The following MECOM variants were observed in gnomAD, a reference collection of about 807,000 sequenced individuals.
The protein encoded by MECOM is MDS1 and EVI1 complex locus.
In MECOM, 13 loss-of-function variants were observed where a neutral mutation model predicts 116.3. The ratio of observed to expected loss-of-function variants is 0.11; its 90% CI spans 0.07 to 0.18. MECOM has a LOEUF of 0.18. MECOM is among the 10% of genes least tolerant of loss of function. The pLI, the probability that MECOM is intolerant of heterozygous loss-of-function variation, is 1.00. For missense variants in MECOM, 1,299 were observed against 1,509.0 expected (o/e 0.86, Z 2.31); for synonymous variants, 528 against 535.2 (o/e 0.99, Z 0.19).
At position 169,364,777 on chromosome 3, in the gene MECOM, G is replaced by T. The variant is rs558841710; in HGVS notation, c.375+16410C>A. 2.6e-5 allele frequency among the ~76,000 whole-genome samples: 4 copies of T among 152,042 alleles called. No individual in the cohort carries two copies. In the East Asian group the frequency reaches 7.8e-4, roughly 30 times the overall value. On this transcript the variant is annotated intron_variant, in intron 2 of 16. Coordinates refer to ENST00000651503, the MANE Select transcript of MECOM (RefSeq NM_004991.4). ...ACCTGTTCACCCACTCAAAATTGAT[G>T]ATGAAAGCAAACAGATCTATCTTAC... is the stretch of plus-strand genomic sequence containing the variant.
intron 1 of MECOM, among the ~76,000 whole-genome samples, chr3:169,497,447 G>A (rs569950081): frequency 1.6e-4 from 25 of 151,944 alleles, no homozygotes; most frequent in African/African-American, 5.5e-4. Context: ...CTGGGTTCAA[G>A]TGATTCTCCC....
At chr3:169,400,015 C>T (rs2115960) in intron 1 of MECOM, among the ~76,000 whole-genome samples, 7,100 of 152,268 alleles carry the variant, frequency 0.047, 203 homozygotes, top group South Asian at 0.077. Context: ...ACATTCTATT[C>T]CAAATACCAA....
chr3:169,189,881 G>C (rs1280327680), intron 2 of MECOM, among the ~76,000 whole-genome samples: 1 of 151,970 alleles, frequency 6.6e-6, no homozygotes, highest in Admixed American at 6.6e-5. Context: ...AGTAAATTTA[G>C]AGCCTCTTCT....
intron 1 of MECOM, among the ~76,000 whole-genome samples, chr3:169,640,904 T>A (rs1234333339): frequency 6.6e-6 from 1 of 152,192 alleles, no homozygotes; most frequent in African/African-American, 2.4e-5. Flanking sequence ...AATCAGTGCA[T>A]GCCTTTGTGA....
chr3:169,572,427 G>A (rs1242024683), intron 1 of MECOM, among the ~76,000 whole-genome samples: 5 of 152,234 alleles, frequency 3.3e-5, no homozygotes, highest in African/African-American at 1.2e-4. Flanking sequence ...GTGAAACACA[G>A]TGTGGCGATT....
At chr3:169,462,799 C>G (rs1400305400) in intron 1 of MECOM, among the ~76,000 whole-genome samples, 1 of 152,038 alleles carries the variant, frequency 6.6e-6, no homozygotes, top group Non-Finnish European at 1.5e-5. Flanking sequence ...CAAATATAGT[C>G]TATATTCTAG....
At chr3:169,310,251 C>T (rs1718502252) in intron 2 of MECOM, among the ~76,000 whole-genome samples, 1 of 152,170 alleles carries the variant, frequency 6.6e-6, no homozygotes, top group Non-Finnish European at 1.5e-5. Context: ...AGTCCATAAA[C>T]ATGCGCTGAG....
intron 2 of MECOM, among the ~76,000 whole-genome samples, chr3:169,245,344 A>G (rs937626261): frequency 3.9e-5 from 6 of 152,202 alleles, no homozygotes; most frequent in Non-Finnish European, 5.9e-5. Flanking sequence ...CAGAGACATT[A>G]GCTTTAAAAA....
chr3:169,415,046 C>G (rs191067685), intron 1 of MECOM, among the ~76,000 whole-genome samples: 10 of 152,162 alleles, frequency 6.6e-5, no homozygotes, highest in Non-Finnish European at 1.0e-4. Context: ...CACAAAGATA[C>G]TCCTTCAGAA....
chr3:169,305,634 T>C (rs969244612), intron 2 of MECOM, among the ~76,000 whole-genome samples: 3 of 152,266 alleles, frequency 2.0e-5, no homozygotes, highest in Non-Finnish European at 2.9e-5. Context: ...CCCAGCCCAC[T>C]GGAAATCAGA....
chr3:169,526,356 G>A (rs947763556), intron 1 of MECOM, among the ~76,000 whole-genome samples: 9 of 152,142 alleles, frequency 5.9e-5, no homozygotes, highest in African/African-American at 2.2e-4. Flanking sequence ...ACATGAAGGA[G>A]GTGGGAGGAG....
At chr3:169,334,494 G>A (rs750271851) in intron 2 of MECOM, among the ~76,000 whole-genome samples, 28 of 152,138 alleles carry the variant, frequency 1.8e-4, no homozygotes, top group Non-Finnish European at 3.5e-4. Context: ...GGGCCTTGGG[G>A]ATCAGAAGTT....
intron 2 of MECOM, among the ~76,000 whole-genome samples, chr3:169,303,530 A>G (rs1345709731): frequency 6.6e-6 from 1 of 152,216 alleles, no homozygotes; most frequent in Non-Finnish European, 1.5e-5. Context: ...ACTCAAGTGT[A>G]AGATAACAGG....
At chr3:169,096,524 C>G (rs60124403) in intron 12 of MECOM, among the ~76,000 whole-genome samples, 4,398 of 152,212 alleles carry the variant, frequency 0.029, 199 homozygotes, top group African/African-American at 0.1. Flanking sequence ...CACACCTCAG[C>G]CTCCCAAAGT....
chr3:169,319,891 G>T (rs948143580), intron 2 of MECOM, among the ~76,000 whole-genome samples: 1 of 152,222 alleles, frequency 6.6e-6, no homozygotes, highest in African/African-American at 2.4e-5. Context: ...TGAGAGTCAA[G>T]AAATATTTCA....
chr3:169,230,870 G>T (rs1362286297), intron 2 of MECOM, among the ~76,000 whole-genome samples: 1 of 152,068 alleles, frequency 6.6e-6, no homozygotes, highest in Non-Finnish European at 1.5e-5. Flanking sequence ...CCTCACATAA[G>T]ATCTTCAATG....
chr3:169,253,162 C>T (rs1190966878), intron 2 of MECOM, among the ~76,000 whole-genome samples: 4 of 152,120 alleles, frequency 2.6e-5, no homozygotes, highest in African/African-American at 9.7e-5. Flanking sequence ...ATAGGTTAAT[C>T]CAACACCAAA....
At chr3:169,486,958 ATAAT>A (rs1286285791) in intron 1 of MECOM, among the ~76,000 whole-genome samples, 1 of 152,162 alleles carries the variant, frequency 6.6e-6, no homozygotes, top group Non-Finnish European at 1.5e-5. Flanking sequence ...TGTTTCCTTA[ATAAT>A]TAATTAATTT....
intron 1 of MECOM, among the ~76,000 whole-genome samples, chr3:169,410,934 A>C (rs1053338247): frequency 3.9e-5 from 6 of 152,156 alleles, no homozygotes; most frequent in Non-Finnish European, 8.8e-5. Context: ...AAAACATGAA[A>C]TGCTTAGTCT....
Sources: gnomAD v4.1 joint callset for allele counts (sites outside exome capture counted in the v4.1 genomes callset) on GRCh38, gnomAD v4.1.1 for gene constraint, MANE v1.5 for transcripts, NCBI Gene and HGNC (gene_info 2026-07-23, HGNC 2026-07-21) for gene names.